SPTBN1: variants seen among roughly 807,000 people sequenced by gnomAD.
The protein encoded by SPTBN1 is spectrin beta chain, non-erythrocytic 1.
In SPTBN1, 32 loss-of-function variants were observed where a neutral mutation model predicts 266.4. The observed-to-expected ratio is 0.12, with a 90% CI of 0.09 to 0.16. The LOEUF (loss-of-function observed/expected upper bound fraction) is 0.16, where lower values mean the gene tolerates loss of function less well. SPTBN1 is among the 10% of genes least tolerant of loss of function. The pLI is 1.00. For missense variants in SPTBN1, 2,296 were observed against 3,067.1 expected (o/e 0.75, Z 5.94); for synonymous variants, 1,336 against 1,162.2 (o/e 1.15, Z -3.04).
At chr2:54,563,475 T>A (rs565197804) in intron 2 of SPTBN1, among the ~76,000 whole-genome samples, 2 of 152,256 alleles carry the variant, frequency 1.3e-5, no homozygotes, top group African/African-American at 4.8e-5. Context: ...AATGCATTAC[T>A]ACCAAGTTTA....
chr2:54,654,936 G>A, intron 27 of SPTBN1, 134 bp from the exon 28 acceptor site: 1 of 1,209,762 alleles, frequency 8.3e-7, no homozygotes, highest in South Asian at 1.6e-5. Flanking sequence ...AGCTCAGGGA[G>A]TGATTCAGAC....
At chr2:54,551,502 C>G (rs1005652458) in intron 2 of SPTBN1, among the ~76,000 whole-genome samples, 1 of 152,218 alleles carries the variant, frequency 6.6e-6, no homozygotes, top group Non-Finnish European at 1.5e-5. Flanking sequence ...TAAGGTTTGG[C>G]TGGGGTAGAA....
intron 7 of SPTBN1, among the ~76,000 whole-genome samples, chr2:54,620,038 A>AGT (rs1330867175): frequency 6.6e-6 from 1 of 152,230 alleles, no homozygotes; most frequent in African/African-American, 2.4e-5. Context: ...TCCCAAGTTG[A>AGT]GTGCTTACTC....
At chr2:54,537,702 A>G (rs1481289633) in intron 2 of SPTBN1, among the ~76,000 whole-genome samples, 3 of 152,196 alleles carry the variant, frequency 2.0e-5, no homozygotes, top group African/African-American at 4.8e-5. Context: ...TCATCTCTCC[A>G]TCTCTTGTTG....
chr2:54,529,395 C>G lies in SPTBN1; in HGVS notation c.148+2829C>G, dbSNP rs1252416990. On this transcript the variant is annotated intron_variant, in intron 2 of 35. Coordinates refer to ENST00000356805, the MANE Select transcript of SPTBN1 (RefSeq NM_003128.3). ...GCTCCTGGCCCGCCTAAAGCTGAAGCCAAAGCAAAGGCTTTAAAGGCCAAG... is the reference window on the plus strand; with the variant it reads ...GCTCCTGGCCCGCCTAAAGCTGAAGGCAAAGCAAAGGCTTTAAAGGCCAAG... 3 of 685,514 alleles carry G rather than the reference C, an allele frequency of 4.4e-6. No individual in the cohort carries two copies. In the African/African-American group the frequency reaches 5.3e-5, roughly 12 times the overall value. 42.5% of individuals were successfully genotyped at this position (685,514 alleles called of 1,614,324 possible).
chr2:54,531,358 A>C (rs1671226053), intron 2 of SPTBN1, among the ~76,000 whole-genome samples: 1 of 152,166 alleles, frequency 6.6e-6, no homozygotes. Context: ...GGTACTGGGG[A>C]ATCAGACTAC....
chr2:54,660,137 G>A, intron 32 of SPTBN1, 138 bp downstream of exon 32: 1 of 1,563,352 alleles, frequency 6.4e-7, no homozygotes, highest in Non-Finnish European at 8.7e-7. Flanking sequence ...TCTGGGTTTT[G>A]ACTTTTTGGC....
At chr2:54,622,934 A>C (rs532869355) in intron 9 of SPTBN1, among the ~76,000 whole-genome samples, 1 of 152,380 alleles carries the variant, frequency 6.6e-6, no homozygotes, top group Non-Finnish European at 1.5e-5. Flanking sequence ...GAAAGATAAT[A>C]GATAATTTCA....
intron 2 of SPTBN1, among the ~76,000 whole-genome samples, chr2:54,568,029 T>A (rs968574139): frequency 2.6e-4 from 40 of 152,318 alleles, no homozygotes; most frequent in African/African-American, 9.6e-4. Flanking sequence ...ACAGACCTCC[T>A]AAGTCAGAAT....
In SPTBN1 at chr2:54,644,403, G is replaced by C. The variant is rs1366705170; in HGVS notation, c.4086G>C (p.Trp1362Cys). ...AACTCACTGGTTTACATAAAATGTG[G>C]GAAGTCCTTGAATCCACTACCCAGA... ...KEKLTGLHKM[W>C]EVLESTTQTK... Residue 1362 changes from tryptophan (W) to cysteine (C), a missense_variant, in exon 20 of 36, where the codon TGG (tryptophan) becomes TGC (cysteine). Physicochemically the swap from Trp to Cys is radical, Grantham distance 215. Coordinates refer to ENST00000356805, the MANE Select transcript of SPTBN1 (RefSeq NM_003128.3). 6.2e-7 allele frequency: 1 copy of C among 1,614,098 alleles called. No individual in the cohort carries two copies. The highest frequency in any genetic ancestry group is 8.5e-7 in the Non-Finnish European group (1 of 1,180,044).
At chr2:54,488,369 C>G (rs1035567632) in intron 1 of SPTBN1, among the ~76,000 whole-genome samples, 1 of 152,190 alleles carries the variant, frequency 6.6e-6, no homozygotes, top group African/African-American at 2.4e-5. Context: ...CCCTGAGAGT[C>G]AGTGACTCTC....
chr2:54,635,750 C>T (rs1296757174), intron 17 of SPTBN1, among the ~76,000 whole-genome samples: 1 of 152,176 alleles, frequency 6.6e-6, no homozygotes, highest in East Asian at 1.9e-4. Context: ...ATCCCTTTGA[C>T]TACTGGCAGG....
rs776551790 is a variant in SPTBN1, at chr2:54,649,097, C to A, written c.5109C>A (p.Leu1703=). 1.2e-6 allele frequency: 2 copies of A among 1,614,168 alleles called. No individual in the cohort carries two copies. Among genetic ancestry groups the A allele is most frequent in the Non-Finnish European group, 8.5e-7 (1 of 1,180,030 alleles). Residue 1703 remains leucine (L), a synonymous_variant, in exon 25 of 36, where the codon CTC becomes CTA. Coordinates refer to ENST00000356805, the MANE Select transcript of SPTBN1 (RefSeq NM_003128.3). The surrounding 1 kb of genome is among the most constrained non-coding windows in gnomAD (Gnocchi z 6.7). ...KLDERHRLFQ[L]NREVDDLEQW... is the part of the protein sequence containing the mutation. ...ATGAGAGACACAGGTTATTCCAGCTCAACCGGGAGGTGGACGACCTGGAGC... is the reference window on the plus strand; with the variant it reads ...ATGAGAGACACAGGTTATTCCAGCTAAACCGGGAGGTGGACGACCTGGAGC...
chr2:54,475,484 C>G (rs1457528291), intron 1 of SPTBN1, among the ~76,000 whole-genome samples: 3 of 152,122 alleles, frequency 2.0e-5, no homozygotes, highest in Non-Finnish European at 4.4e-5. Flanking sequence ...GCCTGCTCCC[C>G]TTGCATTTTG....
intron 2 of SPTBN1, among the ~76,000 whole-genome samples, chr2:54,594,996 G>T (rs971657716): frequency 2.0e-5 from 3 of 151,974 alleles, no homozygotes; most frequent in Non-Finnish European, 4.4e-5. Flanking sequence ...CACCACACCT[G>T]GCTAATTTTG....
chr2:54,642,909 C>CACA (rs778250962), intron 18 of SPTBN1, 74 bp from the exon 19 acceptor site: 60 of 1,553,194 alleles, frequency 3.9e-5, no homozygotes, highest in Non-Finnish European at 4.9e-5. Flanking sequence ...ATGACATAAA[C>CACA]ACAACCCTTT....
intron 1 of SPTBN1, among the ~76,000 whole-genome samples, chr2:54,478,631 T>C (rs918090768): frequency 2.6e-5 from 4 of 152,216 alleles, no homozygotes; most frequent in East Asian, 3.8e-4. Flanking sequence ...TTAACAGATA[T>C]GTGGAAGTAC....
intron 2 of SPTBN1, among the ~76,000 whole-genome samples, chr2:54,595,140 A>T (rs1050172660): frequency 1.3e-5 from 2 of 152,156 alleles, no homozygotes; most frequent in Non-Finnish European, 2.9e-5. Context: ...CCAATTTCTT[A>T]AATGATTTGA....
At chr2:54,633,343 G>T (rs1678884320) in intron 17 of SPTBN1, among the ~76,000 whole-genome samples, 2 of 152,120 alleles carry the variant, frequency 1.3e-5, no homozygotes. Context: ...TTCCTCTTCT[G>T]CCAGGGCATC....
Sources: gnomAD v4.1 joint callset for allele counts (sites outside exome capture counted in the v4.1 genomes callset) on GRCh38, gnomAD v4.1.1 for gene constraint, Gnocchi (gnomAD v3.1) non-coding constraint, MANE v1.5 for transcripts, NCBI Gene and HGNC (gene_info 2026-07-23, HGNC 2026-07-21) for gene names.